MTHFD1L: variants seen among roughly 807,000 people sequenced by gnomAD.
The protein encoded by MTHFD1L is monofunctional C1-tetrahydrofolate synthase, mitochondrial.
Under a neutral mutation model 119.5 loss-of-function variants are expected in MTHFD1L, and 81 were observed. That is an observed-to-expected ratio of 0.68 (90% CI 0.57 to 0.82). The LOEUF (loss-of-function observed/expected upper bound fraction) is 0.82, where lower values mean the gene tolerates loss of function less well. MTHFD1L is among the 40% of genes least tolerant of loss of function. MTHFD1L has a pLI of 0.00. For missense variants in MTHFD1L, 1,125 were observed against 1,253.4 expected, an observed-to-expected ratio of 0.90 and a Z score of 1.55; for synonymous variants, 430 against 475.2, an observed-to-expected ratio of 0.90 and a Z score of 1.24.
At chr6:150,968,687 T>G (rs922588447) in intron 19 of MTHFD1L, among the ~76,000 whole-genome samples, 3 of 151,644 alleles carry the variant, frequency 2.0e-5, no homozygotes, top group Non-Finnish European at 4.4e-5. Context: ...TTTTTGTATT[T>G]TTTTTTTAAG....
At chr6:150,890,741 G>GTTCT (rs1783113288) in intron 7 of MTHFD1L, among the ~76,000 whole-genome samples, 1 of 152,108 alleles carries the variant, frequency 6.6e-6, no homozygotes, top group Non-Finnish European at 1.5e-5. Flanking sequence ...AAAAGCTCTA[G>GTTCT]AACAGTAAGG....
rs1430665956 is a variant in MTHFD1L at position 150,926,493 on chromosome 6, A to G, written c.1256+198A>G. On this transcript the variant is annotated intron_variant, in intron 11 of 27. Coordinates refer to ENST00000367321, the MANE Select transcript of MTHFD1L (RefSeq NM_015440.5). The surrounding 1 kb of genome is among the most constrained non-coding windows in gnomAD (Gnocchi z 4.3). ...AGCAAACTAGTCGACTCTACACAAG[A>G]TAAAGTCAAACAAGTTGCAGTGCTT... Among the ~76,000 whole-genome samples the G allele has an allele frequency of 6.6e-6, 1 of 152,216 alleles. No homozygotes were observed. The highest frequency in any genetic ancestry group is 6.5e-5 in the Admixed American group (1 of 15,278).
intron 20 of MTHFD1L, among the ~76,000 whole-genome samples, chr6:150,972,841 T>C (rs112099412): frequency 0.02 from 3,053 of 151,798 alleles, 113 homozygotes; most frequent in African/African-American, 0.07. Flanking sequence ...AAATGTTAAT[T>C]GGTAGTACTG....
intron 1 of MTHFD1L, among the ~76,000 whole-genome samples, chr6:150,875,643 C>G (rs564900057): frequency 4.0e-5 from 6 of 151,832 alleles, no homozygotes; most frequent in Admixed American, 2.6e-4. Context: ...ACAGTGAGCC[C>G]CCTGTCTTCA....
At chr6:150,937,742 C>T (rs1170844407) in intron 12 of MTHFD1L, among the ~76,000 whole-genome samples, 1 of 152,110 alleles carries the variant, frequency 6.6e-6, no homozygotes, top group Non-Finnish European at 1.5e-5. Context: ...CCTCTCGGAG[C>T]CGCATCTCTA....
At chr6:151,086,634 C>T (rs1793834139) in intron 26 of MTHFD1L, among the ~76,000 whole-genome samples, 1 of 151,948 alleles carries the variant, frequency 6.6e-6, no homozygotes, top group African/African-American at 2.4e-5. Context: ...CTCAAGAGAT[C>T]CTCCCACCTC....
At chr6:151,076,257 G>A (rs1792502141) in intron 26 of MTHFD1L, among the ~76,000 whole-genome samples, 1 of 152,052 alleles carries the variant, frequency 6.6e-6, no homozygotes, top group African/African-American at 2.4e-5. Context: ...GGGAGGATGA[G>A]GTGGGAGGAT....
intron 26 of MTHFD1L, among the ~76,000 whole-genome samples, chr6:151,044,211 CCT>C (rs1426889840): frequency 4.6e-5 from 7 of 152,084 alleles, no homozygotes; most frequent in Admixed American, 2.6e-4. Flanking sequence ...CGTTTCCTTC[CCT>C]CTGTCTTCCT....
At chr6:150,990,768 CA>C (rs1778966621) in intron 20 of MTHFD1L, among the ~76,000 whole-genome samples, 1 of 151,286 alleles carries the variant, frequency 6.6e-6, no homozygotes, top group Admixed American at 6.6e-5. Flanking sequence ...GGCCAGATGA[CA>C]TTTTAAATTA....
intron 1 of MTHFD1L, among the ~76,000 whole-genome samples, chr6:150,869,706 C>T (rs912953243): frequency 6.6e-6 from 1 of 151,848 alleles, no homozygotes; most frequent in Non-Finnish European, 1.5e-5. Flanking sequence ...GAAACTCTAG[C>T]CCTGAATTGA....
chr6:151,065,365 A>G (rs1241679201), intron 26 of MTHFD1L, among the ~76,000 whole-genome samples: 1 of 152,092 alleles, frequency 6.6e-6, no homozygotes, highest in Non-Finnish European at 1.5e-5. Context: ...CCTCTTCTCC[A>G]GACAATGGGG....
intron 26 of MTHFD1L, among the ~76,000 whole-genome samples, chr6:151,038,276 G>T (rs2128543195): frequency 6.6e-6 from 1 of 152,308 alleles, no homozygotes; most frequent in Non-Finnish European, 1.5e-5. Context: ...TACCCAGGAT[G>T]TGGAAGAAGA....
At chr6:151,081,498 CAAAAA>C (rs56795003) in intron 26 of MTHFD1L, among the ~76,000 whole-genome samples, 1 of 98,192 alleles carries the variant, frequency 1.0e-5, no homozygotes, top group African/African-American at 4.6e-5. Context: ...ACTAAAAATG[CAAAAA>C]AAAAAAAAAA....
rs1778231038 is a variant in MTHFD1L, at chr6:150,866,013, G to A, written c.191G>A (p.Gly64Asp). Residue 64 changes from glycine to aspartate, a missense_variant, in exon 1 of 28, where the codon GGC (glycine) becomes GAC (aspartate). This residue lies in a region of MTHFD1L where 1,058 missense variants were observed against 1,151.2 expected (regional missense o/e 0.92). Coordinates refer to ENST00000367321, the MANE Select transcript of MTHFD1L (RefSeq NM_015440.5). ...DGQARSSCSP[G>D]GRTPAARDSI... Reference sequence around the variant, plus strand: ...CAGGCCCGGAGCAGCTGCAGCCCCGGCGGCCGAACGCCCGCGGCGCGGGAC... The same window carrying A: ...CAGGCCCGGAGCAGCTGCAGCCCCGACGGCCGAACGCCCGCGGCGCGGGAC... 7.2e-7 allele frequency: 1 copy of A among 1,391,298 alleles called. No homozygotes were observed. Among genetic ancestry groups the A allele is most frequent in the South Asian group, 1.6e-5 (1 of 62,814 alleles). The allele number at this position is 1,391,298 out of a possible 1,614,324, so 86.2% of individuals were successfully genotyped here. A position where few individuals can be genotyped will look rare whatever the true frequency, so the allele number is the denominator to read the frequency against.
At chr6:150,958,597 G>T (rs1626655) in intron 17 of MTHFD1L, among the ~76,000 whole-genome samples, 2 of 151,738 alleles carry the variant, frequency 1.3e-5, no homozygotes, top group African/African-American at 4.8e-5. Flanking sequence ...TTGCCCTATC[G>T]TGATTATTAC....
In MTHFD1L at chr6:150,882,736, ATTTTGTTT is replaced by A; in HGVS notation, c.418-16_418-9del. 1 of 1,427,400 alleles carries A rather than the reference ATTTTGTTT, an allele frequency of 7.0e-7. No homozygotes were observed. The highest frequency in any genetic ancestry group is 9.3e-7 in the Non-Finnish European group (1 of 1,079,760). 88.4% of individuals were successfully genotyped at this position (1,427,400 alleles called of 1,614,324 possible). On this transcript the variant is annotated intron_variant, in intron 4 of 27. Transcript: ENST00000367321. ...TCTCATTTTCACAAAACTAATTTTT[ATTTTGTTT>A]TTTTGTTTTCTCTTTAGATTATAGA...
At chr6:150,915,547 G>T (rs1787710455) in intron 8 of MTHFD1L, among the ~76,000 whole-genome samples, 1 of 152,122 alleles carries the variant, frequency 6.6e-6, no homozygotes, top group Middle Eastern at 3.2e-3. Flanking sequence ...CTGGAAATAT[G>T]CATTTATAAG....
At chr6:151,016,464 G>A (rs1783068001) in intron 24 of MTHFD1L, among the ~76,000 whole-genome samples, 1 of 151,926 alleles carries the variant, frequency 6.6e-6, no homozygotes, top group Non-Finnish European at 1.5e-5. Context: ...TGGGATTACA[G>A]GCACCTGCCA....
At chr6:150,916,260 T>C (rs1335676375) in intron 8 of MTHFD1L, among the ~76,000 whole-genome samples, 1 of 150,918 alleles carries the variant, frequency 6.6e-6, no homozygotes, top group Non-Finnish European at 1.5e-5. Context: ...CTTTTATAAA[T>C]TTTCTAAGTG....
Sources: gnomAD v4.1 joint callset for allele counts (sites outside exome capture counted in the v4.1 genomes callset) on GRCh38, gnomAD v4.1.1 for gene constraint, gnomAD v4.1.1 regional missense constraint, Gnocchi (gnomAD v3.1) non-coding constraint, MANE v1.5 for transcripts, NCBI Gene and HGNC (gene_info 2026-07-23, HGNC 2026-07-21) for gene names.